NEXN: variants seen among roughly 807,000 people sequenced by gnomAD.
NEXN encodes the protein nexilin.
In NEXN, 65 loss-of-function variants were observed where a neutral mutation model predicts 92.6. The observed-to-expected ratio is 0.70, with a 90% CI of 0.57 to 0.86. NEXN has a LOEUF of 0.86. NEXN is among the 40% of genes least tolerant of loss of function. NEXN has a pLI of 0.00. For synonymous variants in NEXN, 254 were observed against 242.5 expected, an observed-to-expected ratio of 1.05 and a Z score of -0.44; for missense variants, 778 against 771.1, an observed-to-expected ratio of 1.01 and a Z score of -0.11.
intron 10 of NEXN, among the ~76,000 whole-genome samples, chr1:77,934,161 C>T (rs1650549054): frequency 6.6e-6 from 1 of 152,020 alleles, no homozygotes; most frequent in African/African-American, 2.4e-5. Flanking sequence ...AGGCATGTGC[C>T]ACGATGCCCG....
chr1:77,927,504 T>G (rs1244812736), intron 8 of NEXN, among the ~76,000 whole-genome samples: 1 of 152,158 alleles, frequency 6.6e-6, no homozygotes, highest in Non-Finnish European at 1.5e-5. Flanking sequence ...TTCAACTGTT[T>G]GAACATATCA....
intron 10 of NEXN, 143 bp from the exon 11 acceptor site, chr1:77,935,680 T>A: frequency 1.5e-6 from 1 of 667,814 alleles, no homozygotes; most frequent in Non-Finnish European, 2.6e-6. Context: ...GAGTCACACA[T>A]GGTGGCATGT....
At chr1:77,924,454 T>C (rs907999562) in intron 5 of NEXN, among the ~76,000 whole-genome samples, 1 of 152,184 alleles carries the variant, frequency 6.6e-6, no homozygotes, top group Non-Finnish European at 1.5e-5. Flanking sequence ...AATATAATCA[T>C]GACAAGTATT....
rs2102155734 is a variant in NEXN at position 77,935,948 on chromosome 1, T to A, written c.1377T>A (p.Ser459=). Reference sequence around the variant, plus strand: ...AGTTTGAAAAAATTGGACAGTTGTCTGAAAAAGAAATACAGAAAAAAATAG... The same window carrying A: ...AGTTTGAAAAAATTGGACAGTTGTCAGAAAAAGAAATACAGAAAAAAATAG... ...KSKFEKIGQL[S]EKEIQKKIEE... is the part of the protein sequence containing the mutation. Residue 459 remains serine, a synonymous_variant, in exon 11 of 13, where the codon TCT becomes TCA. Transcript: ENST00000334785. 4 of 1,613,876 alleles carry A rather than the reference T, an allele frequency of 2.5e-6. No individual in the cohort carries two copies. In the East Asian group the frequency reaches 8.9e-5, roughly 36 times the overall value.
At chr1:77,902,149 C>T (rs1323511586) in intron 1 of NEXN, among the ~76,000 whole-genome samples, 1 of 152,040 alleles carries the variant, frequency 6.6e-6, no homozygotes, top group African/African-American at 2.4e-5. Context: ...ACTAATTTAT[C>T]TTTTTCTGTT....
chr1:77,902,660 T>A (rs1647815129), intron 1 of NEXN, among the ~76,000 whole-genome samples: 1 of 152,204 alleles, frequency 6.6e-6, no homozygotes, highest in Non-Finnish European at 1.5e-5. Flanking sequence ...GTATGGGGGT[T>A]CATTGTATTA....
chr1:77,937,034 GCA>G (rs1456299536), intron 11 of NEXN, among the ~76,000 whole-genome samples: 1 of 152,212 alleles, frequency 6.6e-6, no homozygotes, highest in Non-Finnish European at 1.5e-5. Flanking sequence ...TATTGTCTGG[GCA>G]CAGTGGCTCA....
In NEXN at chr1:77,943,173, G is replaced by C. The variant is rs1241282418; in HGVS notation, c.*344G>C. On this transcript the variant is annotated 3_prime_UTR_variant, in exon 13 of 13. Coordinates refer to ENST00000334785, the MANE Select transcript of NEXN (RefSeq NM_144573.4). Reference sequence around the variant, plus strand: ...GGGGAATTACTCAATTATTCTATCAGAACCTATTATAAAGACTGTATTTCC... The same window carrying C: ...GGGGAATTACTCAATTATTCTATCACAACCTATTATAAAGACTGTATTTCC... 6.2e-6 allele frequency: 2 copies of C among 325,092 alleles called. No individual in the cohort carries two copies. The highest frequency in any genetic ancestry group is 4.3e-5 in the African/African-American group (2 of 46,214). 20.1% of individuals were successfully genotyped at this position (325,092 alleles called of 1,614,324 possible). A position where few individuals can be genotyped will look rare whatever the true frequency, so the allele number is the denominator to read the frequency against.
chr1:77,920,646 T>G (rs900165636), intron 5 of NEXN, among the ~76,000 whole-genome samples: 16,036 of 80,992 alleles, frequency 0.2, no homozygotes, highest in Non-Finnish European at 0.22. Context: ...AAAAAAATGG[T>G]GGGGGGTGGG....
intron 1 of NEXN, among the ~76,000 whole-genome samples, chr1:77,904,286 C>G (rs553424690): frequency 6.6e-6 from 1 of 152,264 alleles, no homozygotes; most frequent in African/African-American, 2.4e-5. Context: ...AGCCACTGTT[C>G]CTGGTGATAT....
intron 3 of NEXN, 43 bp downstream of exon 3, chr1:77,917,800 A>C (rs1486257717): frequency 1.3e-6 from 2 of 1,524,956 alleles, no homozygotes; most frequent in African/African-American, 2.7e-5. Flanking sequence ...ATTTGTTTGC[A>C]TTTTTTCATT....
chr1:77,910,748 C>CA (rs751080251), intron 1 of NEXN, among the ~76,000 whole-genome samples: 6,751 of 42,486 alleles, frequency 0.16, 318 homozygotes, highest in Admixed American at 0.23. Context: ...GAGACTGTCT[C>CA]AAAAAAAAAA....
At chr1:77,914,772 G>A (rs974055937) in intron 1 of NEXN, among the ~76,000 whole-genome samples, 5 of 151,278 alleles carry the variant, frequency 3.3e-5, no homozygotes, top group African/African-American at 9.7e-5. Context: ...CAGGAGAATC[G>A]CTTGAAACTG....
chr1:77,937,841 A>G (rs1650902212), intron 11 of NEXN, among the ~76,000 whole-genome samples: 1 of 152,232 alleles, frequency 6.6e-6, no homozygotes, highest in Admixed American at 6.5e-5. Context: ...TGGGAGGGAT[A>G]GAAAACAATT....
intron 1 of NEXN, 59 bp downstream of exon 1, chr1:77,888,818 C>T (rs911253801): frequency 6.6e-6 from 1 of 152,330 alleles, no homozygotes; most frequent in East Asian, 1.9e-4. Flanking sequence ...GTCGGGTCCC[C>T]TGGTGGGGGC....
intron 10 of NEXN, among the ~76,000 whole-genome samples, chr1:77,935,228 G>GGA (rs1650651308): frequency 1.3e-5 from 2 of 152,102 alleles, no homozygotes; most frequent in South Asian, 4.1e-4. Flanking sequence ...AGTAGAAAGG[G>GGA]GGTTTCACCA....
intron 9 of NEXN, among the ~76,000 whole-genome samples, chr1:77,932,705 C>T (rs1650401479): frequency 6.6e-6 from 1 of 152,130 alleles, no homozygotes. Context: ...TCTTTGTCTT[C>T]ACTGTAATGG....
chr1:77,911,422 T>C (rs908211167), intron 1 of NEXN, among the ~76,000 whole-genome samples: 1 of 152,066 alleles, frequency 6.6e-6, no homozygotes, highest in African/African-American at 2.4e-5. Flanking sequence ...TGAAACCCTG[T>C]CTCTACTAAA....
chr1:77,931,231 CAAAAAAAAAAAAAAAAAAAA>C (rs367898061), intron 9 of NEXN, among the ~76,000 whole-genome samples: 112 of 120,534 alleles, frequency 9.3e-4, no homozygotes, highest in Non-Finnish European at 9.9e-4. Flanking sequence ...ACTAAAAATA[CAAAAAAAAAAAAAAAAAAAA>C]AAAAAAAAAA....
Sources: gnomAD v4.1 joint callset for allele counts (sites outside exome capture counted in the v4.1 genomes callset) on GRCh38, gnomAD v4.1.1 for gene constraint, MANE v1.5 for transcripts, NCBI Gene and HGNC (gene_info 2026-07-23, HGNC 2026-07-21) for gene names.